The following MEN1 variants were observed in gnomAD, a reference collection of about 807,000 sequenced individuals.
The protein encoded by MEN1 is menin 1.
Under a neutral mutation model 58.0 loss-of-function variants are expected in MEN1, and 6 were observed. That is an observed-to-expected ratio of 0.10 (90% CI 0.06 to 0.20). The LOEUF is 0.20. Among genes scored for constraint, MEN1 ranks in the 10% least tolerant of loss-of-function variants. The probability of loss-of-function intolerance (pLI) is 1.00; values close to 1 mark genes in which losing one functional copy is unlikely to be tolerated. For synonymous variants in MEN1, 346 were observed against 350.7 expected, an observed-to-expected ratio of 0.99 and a Z score of 0.15; for missense variants, 492 against 818.5, an observed-to-expected ratio of 0.60 and a Z score of 4.87.
intron 2 of MEN1, among the ~76,000 whole-genome samples, chr11:64,808,848 T>TGAGGCAG (rs1423504294): frequency 1.3e-5 from 2 of 151,664 alleles, no homozygotes; most frequent in Non-Finnish European, 2.9e-5. Context: ...CTCAGGAGGC[T>TGAGGCAG]GAGGCAGGAG....
At position 64,804,812 on chromosome 11, in the gene MEN1, C is replaced by T. The variant is rs775922507; in HGVS notation, c.1355G>A (p.Arg452Gln). ...QSLGRFEGQV[R>Q]QKVRIVSREA... ...TCGGCTCACTATGCGCACCTTCTGC[C>T]GCACCTGGGCCAGTGGGGAGAGCAA... is the stretch of plus-strand genomic sequence containing the variant. Residue 452 changes from arginine to glutamine, a missense_variant, in exon 10 of 10, where the codon CGG (arginine) becomes CAG (glutamine). Physicochemically the swap from Arg to Gln is conservative, Grantham distance 43 (BLOSUM62 1). Around this residue, in one of 5 missense-constraint regions of MEN1, gnomAD observed 45 missense variants for 66.9 expected, o/e 0.67. Transcript: ENST00000450708. The surrounding 1 kb of genome is among the most constrained non-coding windows in gnomAD (Gnocchi z 4.2). 5 of 1,597,006 alleles carry T rather than the reference C, an allele frequency of 3.1e-6. No individual in the cohort carries two copies. Among genetic ancestry groups the T allele is most frequent in the Admixed American group, 3.3e-5 (2 of 59,968 alleles).
At chr11:64,806,591 C>A (rs1324680353) in intron 6 of MEN1, among the ~76,000 whole-genome samples, 2 of 152,044 alleles carry the variant, frequency 1.3e-5, no homozygotes, top group Non-Finnish European at 2.9e-5. Context: ...AGGGGTGGGG[C>A]CTGCCCTCCG....
In MEN1 at chr11:64,803,651, G is replaced by A. The variant is rs1941421463; in HGVS notation, c.*683C>T. The A allele has an allele frequency of 4.3e-6, 1 of 235,176 alleles. No homozygotes were observed. The highest frequency in any genetic ancestry group is 5.6e-5 in the Admixed American group (1 of 17,988). 14.6% of individuals were successfully genotyped at this position (235,176 alleles called of 1,614,324 possible). A position where few individuals can be genotyped will look rare whatever the true frequency, so the allele number is the denominator to read the frequency against. On this transcript the variant is annotated 3_prime_UTR_variant, in exon 10 of 10. Transcript: ENST00000450708. ...CTCCGGGATGCTCCGAGATGGGCTG[G>A]ACCTCTGGGAGGTTCCCAGAGGGTC...
chr11:64,806,526 C>T (rs1481633057), intron 6 of MEN1, among the ~76,000 whole-genome samples, 158 bp from the exon 7 acceptor site: 9 of 152,198 alleles, frequency 5.9e-5, no homozygotes, highest in Admixed American at 5.9e-4. Flanking sequence ...AGCCCTTCTA[C>T]CTGGTCTCCT....
rs906775884 is a variant in MEN1 at position 64,807,852 on chromosome 11, C to G, written c.654+39G>C. The G allele has an allele frequency of 1.2e-6, 2 of 1,612,100 alleles. No homozygotes were observed. The highest frequency in any genetic ancestry group is 2.7e-5 in the African/African-American group (2 of 74,848). On this transcript the variant is annotated intron_variant, in intron 3 of 9. Coordinates refer to ENST00000450708, the MANE Select transcript of MEN1 (RefSeq NM_001370259.2). This position sits in a 1 kb window ranked among gnomAD's most constrained non-coding sequence, Gnocchi z 4.9. ...GTCCCTTGGGTGGCTTGGGCTACTA[C>G]AGTATGAAGGGGACAAGGCTGGGGG... is the stretch of plus-strand genomic sequence containing the variant.
rs369411199 is a variant in MEN1 at position 64,808,111 on chromosome 11, G to A, written c.446-12C>T. The A allele has an allele frequency of 6.3e-7, 1 of 1,599,584 alleles. No homozygotes were observed. The highest frequency in any genetic ancestry group is 2.3e-5 in the East Asian group (1 of 44,206). ...GTCCAATTTGGTGCCTGTGGAAGGGGGAGGTAATGAAAGAGGGTCCTCTGT... is the reference window on the plus strand; with the variant it reads ...GTCCAATTTGGTGCCTGTGGAAGGGAGAGGTAATGAAAGAGGGTCCTCTGT... On this transcript the variant is annotated splice_polypyrimidine_tract_variant and intron_variant, in intron 2 of 9. Transcript: ENST00000450708.
At chr11:64,806,112 G>T in intron 7 of MEN1, 120 bp downstream of exon 7, 1 of 1,359,488 alleles carries the variant, frequency 7.4e-7, no homozygotes, top group Non-Finnish European at 1.0e-6. Flanking sequence ...TTGCTGCCTA[G>T]GGACTGGATG....
Position 64,807,200 on chromosome 11 carries a change from T to C in MEN1, c.803A>G (p.Tyr268Cys), listed in dbSNP as rs773500082. The change falls in exon 5 of 10, where the codon TAT becomes TGT. Residue 268 changes from tyrosine (Y) to cysteine (C), a missense_variant. By Grantham distance (194) the Tyr-to-Cys change is radical. Coordinates refer to ENST00000450708, the MANE Select transcript of MEN1 (RefSeq NM_001370259.2). The surrounding 1 kb of genome is among the most constrained non-coding windows in gnomAD (Gnocchi z 4.9). ...QLQQKLLWLL[Y>C]DLGHLERYPM... ...TGACCTTTCCAGATGTCCCAGGTCA[T>C]AGAGCAGCCAGAGCAGCTTCTAGGA... The C allele has an allele frequency of 2.3e-5, 37 of 1,613,776 alleles. No homozygotes were observed. Among genetic ancestry groups the C allele is most frequent in the Admixed American group, 5.0e-5 (3 of 59,972 alleles).
intron 1 of MEN1, 158 bp downstream of exon 1, chr11:64,810,356 T>G: frequency 1.8e-6 from 1 of 562,762 alleles, no homozygotes; most frequent in Non-Finnish European, 3.2e-6. Context: ...CGGTACCCGA[T>G]GGGGTGCGCC....
In MEN1 at chr11:64,804,278, TG is replaced by T. The variant is rs1941479110; in HGVS notation, c.*55del. ...TGGGGGCAGAACATGGGCTCAGAGT[TG>T]GGGGACTAAGGGCGGAGCCTGGGTC... On this transcript the variant is annotated 3_prime_UTR_variant, in exon 10 of 10. Coordinates refer to ENST00000450708, the MANE Select transcript of MEN1 (RefSeq NM_001370259.2). The surrounding 1 kb of genome is among the most constrained non-coding windows in gnomAD (Gnocchi z 4.2). The T allele has an allele frequency of 5.0e-6, 8 of 1,612,682 alleles. No individual in the cohort carries two copies. In the East Asian group the frequency reaches 1.8e-4, roughly 36 times the overall value.
Position 64,803,969 on chromosome 11 carries a change from C to T in MEN1, c.*365G>A, listed in dbSNP as rs1305046348. 9.8e-6 allele frequency: 4 copies of T among 409,078 alleles called. No individual in the cohort carries two copies. Among genetic ancestry groups the T allele is most frequent in the Non-Finnish European group, 1.8e-5 (4 of 220,394 alleles). The allele number at this position is 409,078 out of a possible 1,614,324, so 25.3% of individuals were successfully genotyped here. ...TTGGGTTAAGGGTGAAACCTCAGCTCCTACAAGCTGGGAGGAGCCCTGAGT... is the reference window on the plus strand; with the variant it reads ...TTGGGTTAAGGGTGAAACCTCAGCTTCTACAAGCTGGGAGGAGCCCTGAGT... On this transcript the variant is annotated 3_prime_UTR_variant, in exon 10 of 10. Coordinates refer to ENST00000450708, the MANE Select transcript of MEN1 (RefSeq NM_001370259.2).
Position 64,804,758 on chromosome 11 carries a change from G to A in MEN1, c.1409C>T (p.Pro470Leu), listed in dbSNP as rs750112288. The change falls in exon 10 of 10, where the codon CCG becomes CTG. Residue 470 changes from proline to leucine, a missense_variant. Pro to Leu is a moderately conservative substitution (Grantham distance 98, BLOSUM62 -3). Coordinates refer to ENST00000450708, the MANE Select transcript of MEN1 (RefSeq NM_001370259.2). This position sits in a 1 kb window ranked among gnomAD's most constrained non-coding sequence, Gnocchi z 4.2. ...GCCTTCCCGGGCTTCCTCGCCCCACGGCTCCTCGGCCTCGGCCGCCTCGGC... is the reference window on the plus strand; with the variant it reads ...GCCTTCCCGGGCTTCCTCGCCCCACAGCTCCTCGGCCTCGGCCGCCTCGGC... The part of the protein sequence containing the change: ...REAEAAEAEE[P>L]WGEEAREGRR... The A allele has an allele frequency of 1.8e-4, 291 of 1,596,916 alleles. 3 individuals carry two copies. In the Admixed American group the frequency reaches 4.5e-3, roughly 25 times the overall value.
Position 64,807,255 on chromosome 11 carries a change from C to T in MEN1, c.784-36G>A, listed in dbSNP as rs1941797666. The T allele has an allele frequency of 1.2e-6, 2 of 1,606,496 alleles. No individual in the cohort carries two copies. The highest frequency in any genetic ancestry group is 1.7e-6 in the Non-Finnish European group (2 of 1,177,784). On this transcript the variant is annotated intron_variant, in intron 4 of 9. Coordinates refer to ENST00000450708, the MANE Select transcript of MEN1 (RefSeq NM_001370259.2). This position sits in a 1 kb window ranked among gnomAD's most constrained non-coding sequence, Gnocchi z 4.9. Reference sequence around the variant, plus strand: ...AAGGAGAGAGTTATGAGCCACGGAACAGGGAGGAGAACGGGTCCTTAGCCT... The same window carrying T: ...AAGGAGAGAGTTATGAGCCACGGAATAGGGAGGAGAACGGGTCCTTAGCCT...
At position 64,807,903 on chromosome 11, in the gene MEN1, A is replaced by G. The variant is rs931878410; in HGVS notation, c.642T>C (p.Gly214=). The G allele has an allele frequency of 6.8e-6, 11 of 1,613,994 alleles. No individual in the cohort carries two copies. In the East Asian group the frequency reaches 2.4e-4, roughly 36 times the overall value. ...GAGGGAACAATACCCGCTCAGCCAC[A>G]CCGGCATTGACTGTCTGGCCCCTGC... is the stretch of plus-strand genomic sequence containing the variant. ...EDRRGQTVNA[G]VAERSWLYLK... The change falls in exon 3 of 10, where the codon GGT becomes GGC. Residue 214 remains glycine, a synonymous_variant. Transcript: ENST00000450708. This position sits in a 1 kb window ranked among gnomAD's most constrained non-coding sequence, Gnocchi z 4.9.
chr11:64,803,782 A>G lies in MEN1; in HGVS notation c.*552T>C, dbSNP rs1011661416. ...GAGTTTTGTGTCCCAGACTCGGGAT[A>G]CGAAGGAGAGGAAACTAGGATTTCC... On this transcript the variant is annotated 3_prime_UTR_variant, in exon 10 of 10. Transcript: ENST00000450708. 12 of 242,862 alleles carry G rather than the reference A, an allele frequency of 4.9e-5. No homozygotes were observed. Among genetic ancestry groups the G allele is most frequent in the Non-Finnish European group, 9.0e-5 (11 of 122,806 alleles). 15.0% of individuals were successfully genotyped at this position (242,862 alleles called of 1,614,324 possible). A position where few individuals can be genotyped will look rare whatever the true frequency, so the allele number is the denominator to read the frequency against.
Position 64,804,265 on chromosome 11 carries a change from A to G in MEN1, c.*69T>C. 3 of 1,609,486 alleles carry G rather than the reference A, an allele frequency of 1.9e-6. No homozygotes were observed. Among genetic ancestry groups the G allele is most frequent in the Non-Finnish European group, 2.5e-6 (3 of 1,176,886 alleles). On this transcript the variant is annotated 3_prime_UTR_variant, in exon 10 of 10. Transcript: ENST00000450708. This position sits in a 1 kb window ranked among gnomAD's most constrained non-coding sequence, Gnocchi z 4.2. Reference sequence around the variant, plus strand: ...GTCCCCTTTGGGCTGGGGGCAGAACATGGGCTCAGAGTTGGGGGACTAAGG... The same window carrying G: ...GTCCCCTTTGGGCTGGGGGCAGAACGTGGGCTCAGAGTTGGGGGACTAAGG...
At position 64,807,727 on chromosome 11, in the gene MEN1, G is replaced by A. The variant is rs762117750; in HGVS notation, c.655-47C>T. On this transcript the variant is annotated intron_variant, in intron 3 of 9. Coordinates refer to ENST00000450708, the MANE Select transcript of MEN1 (RefSeq NM_001370259.2). This position sits in a 1 kb window ranked among gnomAD's most constrained non-coding sequence, Gnocchi z 4.9. ...TATGTCTCATGATGGCCCACCCTGT[G>A]CCTGCTTCAGGGAATGACAGCCAGG... 10 of 1,613,736 alleles carry A rather than the reference G, an allele frequency of 6.2e-6. No homozygotes were observed. Among genetic ancestry groups the A allele is most frequent in the Non-Finnish European group, 8.5e-6 (10 of 1,179,898 alleles).
In MEN1 at chr11:64,804,721, G is replaced by A. The variant is rs2136089706; in HGVS notation, c.1446C>T (p.Gly482=). 1.3e-6 allele frequency: 2 copies of A among 1,596,548 alleles called. No individual in the cohort carries two copies. Among genetic ancestry groups the A allele is most frequent in the South Asian group, 1.1e-5 (1 of 90,894 alleles). ...CCTCTGGCTTGGACTCCCGCCGTGG[G>A]CCCCGCCGCCGGCCTTCCCGGGCTT... ...GEEAREGRRR[G]PRRESKPEEP... The change falls in exon 10 of 10, where the codon GGC becomes GGT. Residue 482 remains glycine, a synonymous_variant. Transcript: ENST00000450708. This position sits in a 1 kb window ranked among gnomAD's most constrained non-coding sequence, Gnocchi z 4.2.
chr11:64,810,194 G>C, intron 1 of MEN1, 62 bp from the exon 2 acceptor site: 1 of 1,075,708 alleles, frequency 9.3e-7, no homozygotes, highest in South Asian at 1.5e-5. Context: ...TCCTCCCAGG[G>C]TCCGCTAAGG....
Sources: gnomAD v4.1 joint callset for allele counts (sites outside exome capture counted in the v4.1 genomes callset) on GRCh38, gnomAD v4.1.1 for gene constraint, gnomAD v4.1.1 regional missense constraint, Gnocchi (gnomAD v3.1) non-coding constraint, MANE v1.5 for transcripts, NCBI Gene and HGNC (gene_info 2026-07-23, HGNC 2026-07-21) for gene names.